The following TRPV1 variants were observed in gnomAD, a reference collection of about 807,000 sequenced individuals.
TRPV1 encodes transient receptor potential cation channel subfamily V member 1.
A neutral mutation model predicts 82.3 loss-of-function variants in TRPV1; 82 were observed. That is an observed-to-expected ratio of 1.00 (90% confidence interval 0.83 to 1.20). TRPV1 has a LOEUF of 1.20. Among genes scored for constraint, TRPV1 ranks in the 50% most tolerant of loss-of-function variants. The pLI is 0.00. For missense variants in TRPV1, 1,067 were observed against 1,096.8 expected, an observed-to-expected ratio of 0.97 and a Z score of 0.38; for synonymous variants, 515 against 467.7, an observed-to-expected ratio of 1.10 and a Z score of -1.30.
At position 3,602,509 on chromosome 17, in the gene TRPV1, A is replaced by G. The variant is rs543496086; in HGVS notation, c.-34+5918T>C. The stretch of plus-strand genomic sequence containing the variant: ...AACAGGATGTTCTTGCATTTATGTA[A>G]TGATGTACCCATTAAAACTCCTTGT... On this transcript the variant is annotated intron_variant, in intron 2 of 16. Transcript: ENST00000572705. Among the ~76,000 whole-genome samples, 4 of 152,274 alleles carry G rather than the reference A, an allele frequency of 2.6e-5. No individual in the cohort carries two copies. The East Asian group carries it at 7.7e-4, about 29-fold the overall frequency.
chr17:3,602,647 G>A (rs2075271447), intron 2 of TRPV1, among the ~76,000 whole-genome samples: 1 of 152,094 alleles, frequency 6.6e-6, no homozygotes, highest in South Asian at 2.1e-4. Context: ...GCCAGCGGCT[G>A]GGCCAAATCT....
rs906423403 is a variant in TRPV1 at position 3,601,872 on chromosome 17, A to T, written c.-34+6555T>A. On this transcript the variant is annotated intron_variant, in intron 2 of 16. Transcript: ENST00000572705. ...GTCTCCCAATATGCTGGGATTACAGACATGAGCTACCACGCCCAACTCCAG... is the reference window on the plus strand; with the variant it reads ...GTCTCCCAATATGCTGGGATTACAGTCATGAGCTACCACGCCCAACTCCAG... 4 of 151,746 alleles carry T rather than the reference A, an allele frequency of 2.6e-5. 1 individual carries two copies. The highest frequency in any genetic ancestry group is 4.4e-5 in the Non-Finnish European group (3 of 67,946). The allele number at this position is 151,746 out of a possible 1,614,324, so 9.4% of individuals were successfully genotyped here.
intron 2 of TRPV1, among the ~76,000 whole-genome samples, chr17:3,603,080 A>G (rs2075275574): frequency 6.6e-6 from 1 of 152,114 alleles, no homozygotes; most frequent in Non-Finnish European, 1.5e-5. Flanking sequence ...AGATCACGCC[A>G]TTGCACTCCA....
intron 2 of TRPV1, among the ~76,000 whole-genome samples, chr17:3,594,440 C>G (rs1394167180): frequency 6.6e-6 from 1 of 151,946 alleles, no homozygotes; most frequent in Admixed American, 6.6e-5. Context: ...CTCCAGAGCA[C>G]ACAACTGGGC....
At chr17:3,569,281 G>A (rs1334536116) in intron 16 of TRPV1, among the ~76,000 whole-genome samples, 1 of 152,068 alleles carries the variant, frequency 6.6e-6, no homozygotes, top group Non-Finnish European at 1.5e-5. Flanking sequence ...AAAAAAATTA[G>A]CCGGGTATAG....
intron 7 of TRPV1, chr17:3,588,921 T>C: frequency 6.5e-7 from 1 of 1,535,600 alleles, no homozygotes; most frequent in Non-Finnish European, 8.7e-7. Flanking sequence ...GCCCCAGCTC[T>C]ACCATCTCAC....
At position 3,588,262 on chromosome 17, in the gene TRPV1, C is replaced by T. The variant is rs370215631; in HGVS notation, c.1150G>A (p.Asp384Asn). The T allele has an allele frequency of 1.9e-5, 30 of 1,583,074 alleles. No homozygotes were observed. Among genetic ancestry groups the T allele is most frequent in the Non-Finnish European group, 2.3e-5 (27 of 1,165,354 alleles). Residue 384 changes from aspartate to asparagine, a missense_variant, in exon 8 of 17, where the codon GAC (aspartate) becomes AAC (asparagine). Coordinates refer to ENST00000572705, the MANE Select transcript of TRPV1 (RefSeq NM_080704.4). The part of the protein sequence containing the change: ...AYGPVHSSLY[D>N]LSCIDTCEKN... ...TCGCAGGTGTCGATGCAGGACAGGT[C>T]GTACAGCGAGGAGTGCACGGGCCCG...
chr17:3,582,649 G>A (rs1189086737), intron 10 of TRPV1, among the ~76,000 whole-genome samples: 3 of 151,270 alleles, frequency 2.0e-5, no homozygotes, highest in Non-Finnish European at 4.4e-5. Flanking sequence ...ACATGTTTGA[G>A]TTTCAGGTTA....
chr17:3,581,531 A>G (rs367682157), intron 10 of TRPV1, among the ~76,000 whole-genome samples: 1 of 152,220 alleles, frequency 6.6e-6, no homozygotes, highest in East Asian at 1.9e-4. Flanking sequence ...AATTCCATAA[A>G]GGTGAGTGAC....
chr17:3,606,582 C>T (rs990973469), intron 2 of TRPV1, among the ~76,000 whole-genome samples: 3 of 152,174 alleles, frequency 2.0e-5, no homozygotes, highest in Non-Finnish European at 2.9e-5. Flanking sequence ...AGAAGCATGC[C>T]GGCCTCAAAC....
Position 3,588,263 on chromosome 17 carries a change from G to C in TRPV1, c.1149C>G (p.Tyr383Ter), listed in dbSNP as rs764956512. 4 of 1,582,612 alleles carry C rather than the reference G, an allele frequency of 2.5e-6. No homozygotes were observed. Among genetic ancestry groups the C allele is most frequent in the Admixed American group, 1.8e-5 (1 of 55,318 alleles). Residue 383 changes from tyrosine (Y) to a stop codon, truncating the protein, a stop_gained, in exon 8 of 17, where the codon TAC becomes TAG. Coordinates refer to ENST00000572705, the MANE Select transcript of TRPV1 (RefSeq NM_080704.4). LOFTEE classifies it high-confidence loss of function. ...CGCAGGTGTCGATGCAGGACAGGTC[G>C]TACAGCGAGGAGTGCACGGGCCCGT... ...WAYGPVHSSL[Y>*]DLSCIDTCEK... is the part of the protein sequence containing the mutation.
chr17:3,603,498 T>G (rs575861193), intron 2 of TRPV1, among the ~76,000 whole-genome samples: 1 of 152,244 alleles, frequency 6.6e-6, no homozygotes, highest in East Asian at 1.9e-4. Context: ...AACCTCTGGG[T>G]CTACTTCTTC....
At position 3,573,532 on chromosome 17, in the gene TRPV1, G is replaced by GCCCCCCCCCCCCCCCCCCCCC. The variant is rs11441416; in HGVS notation, c.2103+100_2103+101insGGGGGGGGGGGGGGGGGGGGG. ...GCCCATACCCTCCTGGCCACACACC[G>GCCCCCCCCCCCCCCCCCCCCC]CCCCCACCACCCACCCACCTGCAGC... is the stretch of plus-strand genomic sequence containing the variant. On this transcript the variant is annotated intron_variant, in intron 14 of 16. Transcript: ENST00000572705. 3.0e-4 allele frequency: 78 copies of GCCCCCCCCCCCCCCCCCCCCC among 259,790 alleles called. 35 individuals carry two copies. The highest frequency in any genetic ancestry group is 5.1e-4 in the South Asian group (17 of 33,564). The allele number at this position is 259,790 out of a possible 1,614,324, so 16.1% of individuals were successfully genotyped here.
chr17:3,584,451 T>C (rs1366440982), intron 9 of TRPV1, among the ~76,000 whole-genome samples: 1 of 146,610 alleles, frequency 6.8e-6, no homozygotes, highest in Non-Finnish European at 1.5e-5. Flanking sequence ...TTATGTGGCC[T>C]TAATAGGTGG....
intron 2 of TRPV1, chr17:3,597,064 C>T (rs1273655963): frequency 2.0e-5 from 3 of 152,354 alleles, no homozygotes; most frequent in African/African-American, 7.2e-5. Context: ...AGCAGCTGCC[C>T]TGCACTAGCA....
rs370850052 is a variant in TRPV1, at chr17:3,591,196, C to T, written c.442G>A (p.Glu148Lys). The T allele has an allele frequency of 1.1e-5, 18 of 1,609,892 alleles. No homozygotes were observed. In the African/African-American group the frequency reaches 1.3e-4, roughly 12 times the overall value. Reference sequence around the variant, plus strand: ...CCAGCGCTGGGGCCACCTTTGAACTCGTTGTCTGTGAGGTGCTTCTTGCTC... The same window carrying T: ...CCAGCGCTGGGGCCACCTTTGAACTTGTTGTCTGTGAGGTGCTTCTTGCTC... ...QKSKKHLTDNEFKDPETGKTC... is the reference protein window; with the variant it reads ...QKSKKHLTDNKFKDPETGKTC... Residue 148 changes from glutamate to lysine, a missense_variant, in exon 4 of 17, where the codon GAG becomes AAG. Glu to Lys is a moderately conservative substitution (Grantham distance 56). Transcript: ENST00000572705.
intron 16 of TRPV1, among the ~76,000 whole-genome samples, chr17:3,568,219 G>A (rs1408319126): frequency 6.6e-6 from 1 of 151,736 alleles, no homozygotes; most frequent in Non-Finnish European, 1.5e-5. Flanking sequence ...CTACTCGGGA[G>A]GCTGAAGCAG....
intron 15 of TRPV1, among the ~76,000 whole-genome samples, chr17:3,571,856 G>C (rs745386786): frequency 2.0e-5 from 3 of 152,162 alleles, no homozygotes; most frequent in Non-Finnish European, 4.4e-5. Context: ...TGGATGCCAG[G>C]CTCTGACGCT....
At chr17:3,571,022 G>A (rs917073240) in intron 16 of TRPV1, among the ~76,000 whole-genome samples, 1 of 152,104 alleles carries the variant, frequency 6.6e-6, no homozygotes, top group South Asian at 2.1e-4. Context: ...CGGCCTCCTT[G>A]GGGTTTTTCT....
Sources: allele counts gnomAD v4.1 joint callset (sites outside exome capture counted in the v4.1 genomes callset), GRCh38; gene constraint gnomAD v4.1.1; transcripts MANE v1.5; gene names NCBI Gene and HGNC (gene_info 2026-07-23, HGNC 2026-07-21).